Variants in CARS1 observed in about 807,000 individuals in gnomAD.
The protein encoded by CARS1 is cysteine--tRNA ligase, cytoplasmic.
In CARS1, 48 loss-of-function variants were observed where a neutral mutation model predicts 106.2. The ratio of observed to expected loss-of-function variants is 0.45; its 90% CI spans 0.36 to 0.57. The LOEUF is 0.57. Among genes scored for constraint, CARS1 ranks in the 20% least tolerant of loss-of-function variants. The pLI, the probability that CARS1 is intolerant of heterozygous loss-of-function variation, is 0.00. For synonymous variants in CARS1, 409 were observed against 403.4 expected (o/e 1.01, Z -0.17); for missense variants, 968 against 1,057.2 (o/e 0.92, Z 1.17).
intron 17 of CARS1, among the ~76,000 whole-genome samples, chr11:3,014,946 A>T (rs933405301): frequency 1.3e-5 from 2 of 152,240 alleles, no homozygotes; most frequent in African/African-American, 4.8e-5. Context: ...TTTTAATTAA[A>T]ATTACAGTTG....
At chr11:3,042,763 G>A (rs1381988242) in intron 2 of CARS1, among the ~76,000 whole-genome samples, 3 of 152,260 alleles carry the variant, frequency 2.0e-5, no homozygotes, top group East Asian at 3.9e-4. Flanking sequence ...CCCCCACCCA[G>A]GATCCCTCAC....
intron 22 of CARS1, among the ~76,000 whole-genome samples, 172 bp from the exon 23 acceptor site, chr11:3,001,420 G>A (rs926513559): frequency 1.3e-5 from 2 of 152,150 alleles, no homozygotes; most frequent in African/African-American, 4.8e-5. Context: ...ATCTGGCAGT[G>A]CTGGCTCCAG....
In CARS1 at chr11:3,044,838, T is replaced by C. The variant is rs904100175; in HGVS notation, c.275-2582A>G. 3.3e-5 allele frequency among the ~76,000 whole-genome samples: 5 copies of C among 152,072 alleles called. No homozygotes were observed. Among genetic ancestry groups the C allele is most frequent in the Non-Finnish European group, 5.9e-5 (4 of 67,994 alleles). On this transcript the variant is annotated intron_variant, in intron 2 of 22. Coordinates refer to ENST00000380525, the MANE Select transcript of CARS1 (RefSeq NM_001014437.3). This position sits in a 1 kb window ranked among gnomAD's most constrained non-coding sequence, Gnocchi z 4.4. ...AAACAGGGATGTGGGAGGCTGAAGA[T>C]AAAATGATGGAGAGGGAAGCCAGGA...
In CARS1 at chr11:3,037,196, TGAC is replaced by T. The variant is rs1233837104; in HGVS notation, c.801+851_801+853del. Among the ~76,000 whole-genome samples the T allele has an allele frequency of 6.6e-6, 1 of 152,214 alleles. No individual in the cohort carries two copies. The highest frequency in any genetic ancestry group is 1.5e-5 in the Non-Finnish European group (1 of 68,040). On this transcript the variant is annotated intron_variant, in intron 7 of 22. Transcript: ENST00000380525. The surrounding 1 kb of genome is among the most constrained non-coding windows in gnomAD (Gnocchi z 5.9). ...AAGCACAGCTTGGGTGAAAGCACAC[TGAC>T]GACTACATACACGTGGCGTGTTTCC...
chr11:3,018,520 G>A lies in CARS1; in HGVS notation c.1526-9C>T. ...CAGCCGCAACTGCCGTGCTGTGGGG[G>A]GACACAAGACAGCCAACGCCCTTAT... On this transcript the variant is annotated splice_polypyrimidine_tract_variant and intron_variant, in intron 13 of 22. Transcript: ENST00000380525. 1 of 1,613,088 alleles carries A rather than the reference G, an allele frequency of 6.2e-7. No individual in the cohort carries two copies. Among genetic ancestry groups the A allele is most frequent in the East Asian group, 2.2e-5 (1 of 44,876 alleles).
chr11:3,024,595 G>A (rs1366752719), intron 10 of CARS1, among the ~76,000 whole-genome samples: 4 of 152,232 alleles, frequency 2.6e-5, no homozygotes, highest in African/African-American at 7.2e-5. Flanking sequence ...CTATAGGCAC[G>A]TGCCACCACA....
chr11:3,012,468 G>A (rs555287123), intron 17 of CARS1, among the ~76,000 whole-genome samples, 192 bp from the exon 18 acceptor site: 1 of 152,204 alleles, frequency 6.6e-6, no homozygotes, highest in Non-Finnish European at 1.5e-5. Flanking sequence ...CTAGGTGTGC[G>A]AGTCACACAG....
In CARS1 at chr11:3,045,370, T is replaced by C. The variant is rs2134280736; in HGVS notation, c.274+2383A>G. Among the ~76,000 whole-genome samples the C allele has an allele frequency of 1.3e-5, 2 of 152,252 alleles. No homozygotes were observed. Among genetic ancestry groups the C allele is most frequent in the Non-Finnish European group, 2.9e-5 (2 of 68,016 alleles). On this transcript the variant is annotated intron_variant, in intron 2 of 22. Transcript: ENST00000380525. This position sits in a 1 kb window ranked among gnomAD's most constrained non-coding sequence, Gnocchi z 5.6. ...AGCTCCGCCTCCCAGGTTCAGGCCATTCTCCTGCCTCAGCCTCCCGAGTAG... is the reference window on the plus strand; with the variant it reads ...AGCTCCGCCTCCCAGGTTCAGGCCACTCTCCTGCCTCAGCCTCCCGAGTAG...
chr11:3,012,375 C>A (rs944080037), intron 17 of CARS1, 99 bp from the exon 18 acceptor site: 3 of 1,027,614 alleles, frequency 2.9e-6, no homozygotes, highest in Non-Finnish European at 4.6e-6. Context: ...CAGGGACTGG[C>A]ATGGGCAGTG....
chr11:3,045,864 G>A lies in CARS1; in HGVS notation c.274+1889C>T, dbSNP rs1855026147. Among the ~76,000 whole-genome samples, 1 of 152,210 alleles carries A rather than the reference G, an allele frequency of 6.6e-6. No homozygotes were observed. The highest frequency in any genetic ancestry group is 6.5e-5 in the Admixed American group (1 of 15,286). ...GAGATCCACAGCTACTGTCATCCCAGGGACATGGGCGAGGACACTACACTG... is the reference window on the plus strand; with the variant it reads ...GAGATCCACAGCTACTGTCATCCCAAGGACATGGGCGAGGACACTACACTG... On this transcript the variant is annotated intron_variant, in intron 2 of 22. Coordinates refer to ENST00000380525, the MANE Select transcript of CARS1 (RefSeq NM_001014437.3). This position sits in a 1 kb window ranked among gnomAD's most constrained non-coding sequence, Gnocchi z 5.6.
rs1028360066 is a variant in CARS1 at position 3,022,667 on chromosome 11, T to C, written c.1154-2335A>G. ...AGCTTTGACCCTACAAGCATGTTCA[T>C]ACCAGCACAACAGGGTCCTGTTCTC... On this transcript the variant is annotated intron_variant, in intron 10 of 22. Coordinates refer to ENST00000380525, the MANE Select transcript of CARS1 (RefSeq NM_001014437.3). The surrounding 1 kb of genome is among the most constrained non-coding windows in gnomAD (Gnocchi z 4.9). 6.6e-6 allele frequency among the ~76,000 whole-genome samples: 1 copy of C among 152,228 alleles called. No homozygotes were observed. Among genetic ancestry groups the C allele is most frequent in the African/African-American group, 2.4e-5 (1 of 41,452 alleles).
In CARS1 at chr11:3,041,906, G is replaced by A. The variant is rs1387781566; in HGVS notation, c.366+259C>T. Among the ~76,000 whole-genome samples, 4 of 152,186 alleles carry A rather than the reference G, an allele frequency of 2.6e-5. No individual in the cohort carries two copies. The highest frequency in any genetic ancestry group is 5.9e-5 in the Non-Finnish European group (4 of 68,032). ...CAGAGTCCGAGAGACAAGCCAGGGTGATCCATGCCCAGAAGTCATGGGCAG... is the reference window on the plus strand; with the variant it reads ...CAGAGTCCGAGAGACAAGCCAGGGTAATCCATGCCCAGAAGTCATGGGCAG... On this transcript the variant is annotated intron_variant, in intron 3 of 22. Coordinates refer to ENST00000380525, the MANE Select transcript of CARS1 (RefSeq NM_001014437.3). The surrounding 1 kb of genome is among the most constrained non-coding windows in gnomAD (Gnocchi z 4.9).
At position 3,015,713 on chromosome 11, in the gene CARS1, A is replaced by T. The variant is rs571042655; in HGVS notation, c.1986+68T>A. The T allele has an allele frequency of 1.3e-3, 1,731 of 1,375,190 alleles. 3 individuals carry two copies. Among genetic ancestry groups the T allele is most frequent in the Non-Finnish European group, 1.6e-3 (1,573 of 962,180 alleles). The allele number at this position is 1,375,190 out of a possible 1,614,324, so 85.2% of individuals were successfully genotyped here. On this transcript the variant is annotated intron_variant, in intron 17 of 22. Coordinates refer to ENST00000380525, the MANE Select transcript of CARS1 (RefSeq NM_001014437.3). ...GGCAGACAGAGGAGGGGCAGTTCAG[A>T]GGGACACAGAGGGGTAGGGAGTGGG...
chr11:3,024,759 T>G (rs1384427296), intron 10 of CARS1, among the ~76,000 whole-genome samples: 1 of 152,178 alleles, frequency 6.6e-6, no homozygotes, highest in East Asian at 1.9e-4. Context: ...AGTGTTGTTA[T>G]CTAATACAAT....
chr11:3,029,129 C>A lies in CARS1; in HGVS notation c.943-45G>T. The A allele has an allele frequency of 6.7e-7, 1 of 1,493,406 alleles. No homozygotes were observed. Among genetic ancestry groups the A allele is most frequent in the Middle Eastern group, 1.7e-4 (1 of 5,844 alleles). The allele number at this position is 1,493,406 out of a possible 1,614,324, so 92.5% of individuals were successfully genotyped here. ...GTCCTGGGATTTTCCCTTCTGAAAA[C>A]CACGCGCTCCATAAAAACGTTCCCA... is the stretch of plus-strand genomic sequence containing the variant. On this transcript the variant is annotated intron_variant, in intron 8 of 22. Coordinates refer to ENST00000380525, the MANE Select transcript of CARS1 (RefSeq NM_001014437.3). This position sits in a 1 kb window ranked among gnomAD's most constrained non-coding sequence, Gnocchi z 5.9.
chr11:3,027,903 G>A (rs1852274986), intron 9 of CARS1: 3 of 452,888 alleles, frequency 6.6e-6, no homozygotes, highest in South Asian at 4.7e-5. Flanking sequence ...GGAGTCTGGA[G>A]AAGACTCTGC....
chr11:3,055,403 A>G lies in CARS1; in HGVS notation c.25+1940T>C, dbSNP rs533380430. ...TGATCTGCCTGCCTCGGCCTCCCAA[A>G]GTGCTGGGATTACAGGTGTGAGCCA... On this transcript the variant is annotated intron_variant, in intron 1 of 22. Coordinates refer to ENST00000380525, the MANE Select transcript of CARS1 (RefSeq NM_001014437.3). 1.1e-4 allele frequency among the ~76,000 whole-genome samples: 16 copies of G among 152,262 alleles called. No homozygotes were observed. In the South Asian group the frequency reaches 3.1e-3, roughly 30 times the overall value.
rs1854824705 is a variant in CARS1 at position 3,044,102 on chromosome 11, C to CA, written c.275-1847dup. Among the ~76,000 whole-genome samples, 1 of 152,220 alleles carries CA rather than the reference C, an allele frequency of 6.6e-6. No homozygotes were observed. Among genetic ancestry groups the CA allele is most frequent in the African/African-American group, 2.4e-5 (1 of 41,456 alleles). On this transcript the variant is annotated intron_variant, in intron 2 of 22. Coordinates refer to ENST00000380525, the MANE Select transcript of CARS1 (RefSeq NM_001014437.3). The surrounding 1 kb of genome is among the most constrained non-coding windows in gnomAD (Gnocchi z 4.4). ...CTAGGATCCCATCACTCTCCTCCCT[C>CA]ACAAAGACCCTGGAGCTCCTTCAAT...
chr11:3,040,587 G>C lies in CARS1; in HGVS notation c.455+309C>G, dbSNP rs544698217. ...ATCTGGGGACCCCACGAGAGCTTGAGGGATGAGAGAAAACTTTAAGGTATG... is the reference window on the plus strand; with the variant it reads ...ATCTGGGGACCCCACGAGAGCTTGACGGATGAGAGAAAACTTTAAGGTATG... On this transcript the variant is annotated intron_variant, in intron 4 of 22. Transcript: ENST00000380525. This position sits in a 1 kb window ranked among gnomAD's most constrained non-coding sequence, Gnocchi z 5.8. 1.8e-6 allele frequency: 1 copy of C among 546,674 alleles called. No homozygotes were observed. The highest frequency in any genetic ancestry group is 1.9e-5 in the African/African-American group (1 of 53,502). 33.9% of individuals were successfully genotyped at this position (546,674 alleles called of 1,614,324 possible).
Sources: gnomAD v4.1 joint callset for allele counts (sites outside exome capture counted in the v4.1 genomes callset) on GRCh38, gnomAD v4.1.1 for gene constraint, Gnocchi (gnomAD v3.1) non-coding constraint, MANE v1.5 for transcripts, NCBI Gene and HGNC (gene_info 2026-07-23, HGNC 2026-07-21) for gene names.